PTPN11: variants seen among roughly 807,000 people sequenced by gnomAD.
PTPN11 encodes protein tyrosine phosphatase non-receptor type 11.
Under a neutral mutation model 78.8 loss-of-function variants are expected in PTPN11, and 6 were observed. The ratio of observed to expected loss-of-function variants is 0.08; its 90% CI spans 0.04 to 0.15. The LOEUF (loss-of-function observed/expected upper bound fraction) is 0.15, where lower values mean the gene tolerates loss of function less well. Ranked by LOEUF, PTPN11 falls within the 10% of genes least tolerant of loss-of-function variation. PTPN11 has a pLI of 1.00. For missense variants in PTPN11, 386 were observed against 744.8 expected (o/e 0.52, Z 5.61); for synonymous variants, 221 against 263.5 (o/e 0.84, Z 1.56).
At chr12:112,481,241 G>A (rs1720011177) in intron 9 of PTPN11, among the ~76,000 whole-genome samples, 1 of 152,186 alleles carries the variant, frequency 6.6e-6, no homozygotes, top group South Asian at 2.1e-4. Flanking sequence ...TCGTTGGGCA[G>A]CCTAGCCTCC....
At chr12:112,495,253 T>C (rs908980566) in intron 13 of PTPN11, among the ~76,000 whole-genome samples, 6 of 152,228 alleles carry the variant, frequency 3.9e-5, no homozygotes, top group Non-Finnish European at 8.8e-5. Flanking sequence ...ATGAATATCC[T>C]TTTTCTGTTC....
Position 112,504,198 on chromosome 12 carries a change from C to T in PTPN11, c.1713-497C>T, listed in dbSNP as rs2038908169. 6.6e-6 allele frequency among the ~76,000 whole-genome samples: 1 copy of T among 152,080 alleles called. No homozygotes were observed. The highest frequency in any genetic ancestry group is 1.5e-5 in the Non-Finnish European group (1 of 68,004). On this transcript the variant is annotated intron_variant, in intron 14 of 15. Transcript: ENST00000351677. This position sits in a 1 kb window ranked among gnomAD's most constrained non-coding sequence, Gnocchi z 4.7. ...ACCAGGACTTGAGGCTTTTATTGCA[C>T]TTCTGTTGTTTTTTTGAGATGGAGT... is the stretch of plus-strand genomic sequence containing the variant.
chr12:112,442,828 TTTTATATATATATATA>T (rs2037916568), intron 1 of PTPN11, among the ~76,000 whole-genome samples: 3 of 54,998 alleles, frequency 5.5e-5, no homozygotes, highest in African/African-American at 2.2e-4. Flanking sequence ...CTCTCTCTCT[TTTTATATATATATATA>T]TATATATATA....
intron 1 of PTPN11, among the ~76,000 whole-genome samples, chr12:112,423,364 C>T (rs2037555183): frequency 6.6e-6 from 1 of 152,034 alleles, no homozygotes; most frequent in African/African-American, 2.4e-5. Context: ...TGGCTCACTG[C>T]AACCTCCACC....
chr12:112,475,509 C>A (rs1342748589), intron 7 of PTPN11, among the ~76,000 whole-genome samples: 3 of 152,208 alleles, frequency 2.0e-5, no homozygotes, highest in Non-Finnish European at 4.4e-5. Flanking sequence ...CCTGCTTTGG[C>A]TTCCCAAAGT....
rs2038964369 is a variant in PTPN11, at chr12:112,508,586, T to C, written c.*2794T>C. The stretch of plus-strand genomic sequence containing the variant: ...GCTGGTGGGTATTAAATATGCACAA[T>C]ATTCCATAGCTCACTGAGGATTTTA... On this transcript the variant is annotated 3_prime_UTR_variant, in exon 16 of 16. Coordinates refer to ENST00000351677, the MANE Select transcript of PTPN11 (RefSeq NM_002834.5). 6.6e-6 allele frequency: 1 copy of C among 152,216 alleles called. No homozygotes were observed. The highest frequency in any genetic ancestry group is 1.5e-5 in the Non-Finnish European group (1 of 68,038). 9.4% of individuals were successfully genotyped at this position (152,216 alleles called of 1,614,324 possible).
chr12:112,456,325 T>C (rs1252656074), intron 6 of PTPN11, among the ~76,000 whole-genome samples: 1 of 152,158 alleles, frequency 6.6e-6, no homozygotes, highest in East Asian at 1.9e-4. Context: ...TTTGGACTGG[T>C]GGCAAAATCT....
At chr12:112,460,839 TCAAAA>T (rs879820578) in intron 6 of PTPN11, among the ~76,000 whole-genome samples, 1 of 152,132 alleles carries the variant, frequency 6.6e-6, no homozygotes, top group Non-Finnish European at 1.5e-5. Context: ...CGGCTTCATC[TCAAAA>T]CGAAACAAAA....
intron 3 of PTPN11, among the ~76,000 whole-genome samples, chr12:112,450,783 T>C (rs2038068930): frequency 6.6e-6 from 1 of 152,242 alleles, no homozygotes; most frequent in Non-Finnish European, 1.5e-5. Context: ...TGTATTAGTT[T>C]TAAGACTTAT....
At chr12:112,465,457 GC>G (rs1339309061) in intron 6 of PTPN11, among the ~76,000 whole-genome samples, 2 of 151,558 alleles carry the variant, frequency 1.3e-5, no homozygotes, top group Admixed American at 6.6e-5. Context: ...CTCTCTCTGT[GC>G]CTGCTGCTCC....
chr12:112,453,183 T>A lies in PTPN11; in HGVS notation c.333-12T>A, dbSNP rs143501327. On this transcript the variant is annotated splice_polypyrimidine_tract_variant and intron_variant, in intron 3 of 15. Transcript: ENST00000351677. ...TAGAGCTAAATTCTTTTTTATTTTT[T>A]AAAAACTTTAGGTGGTTTCATGGAC... 4 of 1,608,886 alleles carry A rather than the reference T, an allele frequency of 2.5e-6. No homozygotes were observed. Among genetic ancestry groups the A allele is most frequent in the Non-Finnish European group, 2.5e-6 (3 of 1,177,304 alleles).
At chr12:112,474,708 G>A (rs769576563) in intron 7 of PTPN11, among the ~76,000 whole-genome samples, 11 of 152,096 alleles carry the variant, frequency 7.2e-5, no homozygotes, top group Non-Finnish European at 1.6e-4. Flanking sequence ...TCAACCTCCC[G>A]GGCTCAAGTG....
chr12:112,465,629 A>G (rs1054621052), intron 6 of PTPN11, among the ~76,000 whole-genome samples: 4 of 152,194 alleles, frequency 2.6e-5, no homozygotes, highest in Non-Finnish European at 5.9e-5. Context: ...CTCTGTATCC[A>G]GTATCCTTGC....
chr12:112,494,553 C>A (rs2038790707), intron 13 of PTPN11, among the ~76,000 whole-genome samples: 1 of 152,080 alleles, frequency 6.6e-6, no homozygotes, highest in Admixed American at 6.6e-5. Flanking sequence ...GATCTCTTTC[C>A]ATTTTCAAGC....
At chr12:112,491,550 C>T (rs919731220) in intron 13 of PTPN11, among the ~76,000 whole-genome samples, 1 of 152,178 alleles carries the variant, frequency 6.6e-6, no homozygotes, top group Non-Finnish European at 1.5e-5. Context: ...CATTCTCTTA[C>T]ATAACCAATG....
intron 13 of PTPN11, among the ~76,000 whole-genome samples, chr12:112,490,605 G>A (rs2038734003): frequency 6.6e-6 from 1 of 151,940 alleles, no homozygotes; most frequent in Non-Finnish European, 1.5e-5. Context: ...TCCATGCCCG[G>A]CTAATTTTTT....
chr12:112,423,472 G>T (rs1221350332), intron 1 of PTPN11, among the ~76,000 whole-genome samples: 1 of 152,026 alleles, frequency 6.6e-6, no homozygotes, highest in Non-Finnish European at 1.5e-5. Flanking sequence ...TTTTAGTAGG[G>T]ATGGGGTTTC....
intron 1 of PTPN11, 97 bp downstream of exon 1, chr12:112,419,222 G>A: frequency 7.9e-7 from 1 of 1,267,442 alleles, no homozygotes; most frequent in Non-Finnish European, 1.0e-6. Flanking sequence ...CGGGCTTCGG[G>A]CTCCCGCCCC....
chr12:112,470,256 C>T (rs548722658), intron 6 of PTPN11, among the ~76,000 whole-genome samples: 3 of 152,310 alleles, frequency 2.0e-5, no homozygotes, highest in East Asian at 1.9e-4. Flanking sequence ...ACAGACCACA[C>T]GTGGAGTAGC....
Sources: gnomAD v4.1 joint callset for allele counts (sites outside exome capture counted in the v4.1 genomes callset) on GRCh38, gnomAD v4.1.1 for gene constraint, Gnocchi (gnomAD v3.1) non-coding constraint, MANE v1.5 for transcripts, NCBI Gene and HGNC (gene_info 2026-07-23, HGNC 2026-07-21) for gene names.